Variants in FILIP1L observed in about 807,000 individuals in gnomAD.
FILIP1L encodes the protein filamin A-interacting protein 1-like.
FILIP1L carries 55 observed loss-of-function variants against 96.6 expected under a neutral mutation model. The observed-to-expected ratio is 0.57, with a 90% CI of 0.46 to 0.71. The LOEUF is 0.71. Ranked by LOEUF, FILIP1L falls within the 30% of genes least tolerant of loss-of-function variation. The probability of loss-of-function intolerance (pLI) is 0.00; values close to 1 mark genes in which losing one functional copy is unlikely to be tolerated. For missense variants in FILIP1L, 1,304 were observed against 1,321.2 expected (o/e 0.99, Z 0.20); for synonymous variants, 467 against 473.9 (o/e 0.99, Z 0.19).
At chr3:99,969,576 A>C (rs1176967870) in intron 1 of FILIP1L, among the ~76,000 whole-genome samples, 1 of 152,204 alleles carries the variant, frequency 6.6e-6, no homozygotes, top group Non-Finnish European at 1.5e-5. Flanking sequence ...CAACTGGGTA[A>C]AGCAGTGAGG....
chr3:100,103,915 A>G (rs1045064748), intron 1 of FILIP1L, among the ~76,000 whole-genome samples: 1 of 152,198 alleles, frequency 6.6e-6, no homozygotes, highest in Non-Finnish European at 1.5e-5. Context: ...AATAAGAATC[A>G]TGAGCACGGG....
intron 1 of FILIP1L, chr3:100,109,911 C>CG (rs1182211569): frequency 4.9e-4 from 60 of 122,672 alleles, no homozygotes; most frequent in African/African-American, 1.7e-3. Context: ...TGACCCCCCC[C>CG]CCCCAGCACC....
intron 1 of FILIP1L, among the ~76,000 whole-genome samples, chr3:100,004,341 C>T (rs972259281): frequency 1.3e-5 from 2 of 152,112 alleles, no homozygotes; most frequent in Non-Finnish European, 2.9e-5. Flanking sequence ...AACATATCTT[C>T]TATTCTCTGT....
chr3:99,832,295 A>G lies in FILIP1L; in HGVS notation c.3382-1690T>C, dbSNP rs187390877. Among the ~76,000 whole-genome samples the G allele has an allele frequency of 3.8e-3, 561 of 147,598 alleles. 3 individuals carry two copies. The highest frequency in any genetic ancestry group is 0.013 in the African/African-American group (533 of 39,892). ...ACCCAGACTGGAGTGCAGTGGCGCG[A>G]TATCGGCTCACTGCAAGCTCCGCCT... On this transcript the variant is annotated intron_variant, in intron 5 of 5. Transcript: ENST00000477258.
chr3:100,045,053 G>C (rs978816747), intron 1 of FILIP1L, among the ~76,000 whole-genome samples: 1 of 152,262 alleles, frequency 6.6e-6, no homozygotes, highest in Admixed American at 6.5e-5. Context: ...TGAGATGCTT[G>C]TGATATATCC....
At chr3:99,900,905 C>T (rs1706414467) in intron 4 of FILIP1L, among the ~76,000 whole-genome samples, 1 of 152,202 alleles carries the variant, frequency 6.6e-6, no homozygotes, top group Admixed American at 6.5e-5. Context: ...TGAAATTGGC[C>T]TAGGCCCTAG....
rs144183260 is a variant in FILIP1L, at chr3:99,925,015, T to G, written c.427-607A>C. Among the ~76,000 whole-genome samples, 688 of 152,292 alleles carry G rather than the reference T, an allele frequency of 4.5e-3. 7 individuals are homozygous for G. The highest frequency in any genetic ancestry group is 0.016 in the African/African-American group (674 of 41,566). Reference sequence around the variant, plus strand: ...CTCTTATGTCTCTCTCCTGAGAAGCTACATTAAAGAAATGACAGGAAGTAA... The same window carrying G: ...CTCTTATGTCTCTCTCCTGAGAAGCGACATTAAAGAAATGACAGGAAGTAA... On this transcript the variant is annotated intron_variant, in intron 3 of 5. Transcript: ENST00000477258.
chr3:99,983,438 A>ATG (rs1709207001), intron 1 of FILIP1L, among the ~76,000 whole-genome samples: 2 of 50,646 alleles, frequency 3.9e-5, no homozygotes, highest in African/African-American at 1.5e-4. Context: ...GTATGTATAT[A>ATG]TATGTATGTA....
intron 1 of FILIP1L, among the ~76,000 whole-genome samples, chr3:100,015,314 A>T (rs1458960806): frequency 2.0e-5 from 3 of 152,094 alleles, no homozygotes; most frequent in Non-Finnish European, 4.4e-5. Context: ...TGTATTTTTA[A>T]ATCAGGTAGT....
intron 1 of FILIP1L, among the ~76,000 whole-genome samples, chr3:100,016,363 G>A (rs1342975827): frequency 1.3e-5 from 2 of 152,108 alleles, no homozygotes; most frequent in Non-Finnish European, 2.9e-5. Context: ...AGCTAATTTT[G>A]TATCTTTAGT....
chr3:99,983,657 T>C (rs1197240381), intron 1 of FILIP1L, among the ~76,000 whole-genome samples: 2 of 143,870 alleles, frequency 1.4e-5, no homozygotes, highest in African/African-American at 5.2e-5. Flanking sequence ...GCCACTGCAC[T>C]CCAGCCTGGG....
Position 99,848,830 on chromosome 3 carries a change from A to T in FILIP1L, c.2846T>A (p.Leu949His). 1 of 1,613,956 alleles carries T rather than the reference A, an allele frequency of 6.2e-7. No individual in the cohort carries two copies. Among genetic ancestry groups the T allele is most frequent in the South Asian group, 1.1e-5 (1 of 91,062 alleles). Residue 949 changes from leucine (L) to histidine (H), a missense_variant, in exon 5 of 6, where the codon CTC (leucine) becomes CAC (histidine). Coordinates refer to ENST00000477258, the MANE Select transcript of FILIP1L (RefSeq NM_001387850.1). ...TACTGGTGTTATGGAGGCGTTTTGG[A>T]GGATGGTTATCCTTTGCTTTGGCGT... Reference protein sequence around the residue: ...CGTPKQRITILQNASITPVKS... With the variant: ...CGTPKQRITIHQNASITPVKS...
intron 1 of FILIP1L, among the ~76,000 whole-genome samples, chr3:100,006,879 T>C (rs368784546): frequency 6.6e-6 from 1 of 152,236 alleles, no homozygotes; most frequent in South Asian, 2.1e-4. Flanking sequence ...CTGCAAGCTT[T>C]TAAAATTGAA....
At chr3:99,949,648 G>A (rs1306055662) in intron 1 of FILIP1L, among the ~76,000 whole-genome samples, 1 of 152,198 alleles carries the variant, frequency 6.6e-6, no homozygotes, top group African/African-American at 2.4e-5. Flanking sequence ...GAAGTGCATG[G>A]TGCTTATGTT....
At chr3:99,835,004 C>G (rs1942838567) in intron 5 of FILIP1L, among the ~76,000 whole-genome samples, 1 of 152,226 alleles carries the variant, frequency 6.6e-6, no homozygotes, top group South Asian at 2.1e-4. Flanking sequence ...TTGTGATCAT[C>G]ATCAGCATCA....
chr3:99,905,447 T>C (rs1706583700), intron 4 of FILIP1L, among the ~76,000 whole-genome samples: 1 of 152,246 alleles, frequency 6.6e-6, no homozygotes, highest in Non-Finnish European at 1.5e-5. Flanking sequence ...CAGCAATTGC[T>C]GGTCTAGTCT....
chr3:99,830,817 T>C (rs1435547381), intron 5 of FILIP1L, among the ~76,000 whole-genome samples: 1 of 152,148 alleles, frequency 6.6e-6, no homozygotes, highest in African/African-American at 2.4e-5. Context: ...CAGTTCTTGA[T>C]AGAGATAGTG....
chr3:99,941,008 A>G (rs562667891), intron 1 of FILIP1L, among the ~76,000 whole-genome samples: 5 of 152,370 alleles, frequency 3.3e-5, no homozygotes, highest in African/African-American at 4.8e-5. Flanking sequence ...CCAGCATCTC[A>G]GGTATACTCC....
At chr3:99,923,885 C>T (rs115039848) in intron 4 of FILIP1L, among the ~76,000 whole-genome samples, 136 of 152,314 alleles carry the variant, frequency 8.9e-4, no homozygotes, top group Admixed American at 1.4e-3. Context: ...GTTCTTTTCT[C>T]ACTTCTATAC....
Sources: gnomAD v4.1 joint callset for allele counts (sites outside exome capture counted in the v4.1 genomes callset) on GRCh38, gnomAD v4.1.1 for gene constraint, MANE v1.5 for transcripts, NCBI Gene and HGNC (gene_info 2026-07-23, HGNC 2026-07-21) for gene names.